MPDZ: variants seen among roughly 807,000 people sequenced by gnomAD.
MPDZ encodes the protein multiple PDZ domain crumbs cell polarity complex component, also known as multiple PDZ domain protein.
Under a neutral mutation model 239.1 loss-of-function variants are expected in MPDZ, and 234 were observed. That is an observed-to-expected ratio of 0.98 (90% CI 0.88 to 1.09). The LOEUF (loss-of-function observed/expected upper bound fraction) is 1.09. Among genes scored for constraint, MPDZ ranks in the 50% least tolerant of loss-of-function variants. The probability of loss-of-function intolerance (pLI) is 0.00; values close to 1 mark genes in which losing one functional copy is unlikely to be tolerated. For synonymous variants in MPDZ, 1,048 were observed against 881.3 expected, an observed-to-expected ratio of 1.19 and a Z score of -3.35; for missense variants, 3,175 against 2,510.0, an observed-to-expected ratio of 1.26 and a Z score of -5.66.
intron 39 of MPDZ, among the ~76,000 whole-genome samples, chr9:13,115,852 G>C (rs190980467): frequency 6.8e-6 from 1 of 146,466 alleles, no homozygotes; most frequent in Non-Finnish European, 1.5e-5. Context: ...GGCTGAGGCA[G>C]AAGAATGGCG....
intron 3 of MPDZ, among the ~76,000 whole-genome samples, chr9:13,226,051 G>A (rs141950342): frequency 1.1e-4 from 16 of 152,118 alleles, no homozygotes; most frequent in African/African-American, 3.9e-4. Context: ...ATTTGCAGCT[G>A]ACATCATAAG....
intron 1 of MPDZ, among the ~76,000 whole-genome samples, chr9:13,277,403 T>C (rs1974474248): frequency 1.3e-5 from 2 of 152,180 alleles, no homozygotes. Context: ...TTGTTTGTTT[T>C]GGCAAATGAG....
intron 27 of MPDZ, among the ~76,000 whole-genome samples, chr9:13,142,099 CATTG>C (rs1947788321): frequency 6.6e-6 from 1 of 152,144 alleles, no homozygotes; most frequent in South Asian, 2.1e-4. Flanking sequence ...TTTTATCAAG[CATTG>C]ATTAAGTCCA....
At position 13,247,708 on chromosome 9, in the gene MPDZ, T is replaced by C. The variant is rs368398659; in HGVS notation, c.110A>G (p.Lys37Arg). The change falls in exon 3 of 47, where the codon AAG becomes AGG. Residue 37 changes from lysine to arginine, a missense_variant. Coordinates refer to ENST00000319217, the MANE Select transcript of MPDZ (RefSeq NM_001378778.1). ...VANEDKLSLL[K>R]SVLQSPLFSQ... The stretch of plus-strand genomic sequence containing the variant: ...GAAGAGAGGGCTCTGCAGGACTGAC[T>C]TCAGAAGGCTCAGTTTGTCTTCATT... The C allele has an allele frequency of 3.1e-6, 5 of 1,613,584 alleles. No individual in the cohort carries two copies. Among genetic ancestry groups the C allele is most frequent in the Non-Finnish European group, 4.2e-6 (5 of 1,179,650 alleles).
chr9:13,131,866 C>T (rs888822662), intron 32 of MPDZ, among the ~76,000 whole-genome samples: 3 of 152,166 alleles, frequency 2.0e-5, no homozygotes, highest in African/African-American at 7.2e-5. Context: ...TATACCTGCT[C>T]ACCATGGAAC....
chr9:13,180,674 A>C (rs563797360), intron 19 of MPDZ, among the ~76,000 whole-genome samples: 20 of 152,314 alleles, frequency 1.3e-4, no homozygotes, highest in African/African-American at 4.8e-4. Flanking sequence ...TGATTAACCA[A>C]AGAAATCAAA....
At chr9:13,154,968 C>G (rs1258672881) in intron 24 of MPDZ, among the ~76,000 whole-genome samples, 1 of 152,084 alleles carries the variant, frequency 6.6e-6, no homozygotes, top group African/African-American at 2.4e-5. Flanking sequence ...CCTGTAATCC[C>G]AGCACTTTGG....
At chr9:13,167,156 T>C (rs1483391727) in intron 22 of MPDZ, among the ~76,000 whole-genome samples, 2 of 152,132 alleles carry the variant, frequency 1.3e-5, no homozygotes, top group Non-Finnish European at 2.9e-5. Context: ...CATGATCTAG[T>C]CATGGAACAC....
intron 24 of MPDZ, 58 bp from the exon 25 acceptor site, chr9:13,150,746 G>T: frequency 8.5e-7 from 1 of 1,181,746 alleles, no homozygotes; most frequent in Non-Finnish European, 1.1e-6. Context: ...AAAGCTTCAT[G>T]ATGCTGAATT....
chr9:13,119,672 A>G (rs185225263), intron 38 of MPDZ, 23 bp from the exon 39 acceptor site: 3 of 1,613,854 alleles, frequency 1.9e-6, no homozygotes, highest in East Asian at 4.5e-5. Flanking sequence ...TTGAATTTCA[A>G]CATTATCTTT....
At position 13,186,403 on chromosome 9, in the gene MPDZ, G is replaced by A. The variant is rs1163651724; in HGVS notation, c.2365-17C>T. 6.7e-7 allele frequency: 1 copy of A among 1,494,072 alleles called. No homozygotes were observed. The highest frequency in any genetic ancestry group is 9.1e-7 in the Non-Finnish European group (1 of 1,093,054). The allele number at this position is 1,494,072 out of a possible 1,614,324, so 92.6% of individuals were successfully genotyped here. ...TGGTGAAAGCTGCAGGGAAAAAATG[G>A]TATTCATGGAAAAGAGAGAGAACAG... On this transcript the variant is annotated splice_polypyrimidine_tract_variant and intron_variant, in intron 17 of 46. Transcript: ENST00000319217.
At position 13,248,952 on chromosome 9, in the gene MPDZ, G is replaced by A. The variant is rs370994706; in HGVS notation, c.17-1151C>T. ...CATACCACTACACTCCAGCCTGGGC[G>A]ACAGAGTGAGTGAGACTCCATCTCA... is the stretch of plus-strand genomic sequence containing the variant. On this transcript the variant is annotated intron_variant, in intron 2 of 46. Transcript: ENST00000319217. 1.7e-4 allele frequency among the ~76,000 whole-genome samples: 19 copies of A among 111,488 alleles called. No individual in the cohort carries two copies. In the East Asian group the frequency reaches 2.2e-3, roughly 13 times the overall value. The allele number at this position is 111,488 out of a possible 152,430, so 73.1% of individuals were successfully genotyped here.
intron 3 of MPDZ, among the ~76,000 whole-genome samples, chr9:13,225,647 G>A (rs1960338803): frequency 6.6e-6 from 1 of 151,850 alleles, no homozygotes; most frequent in East Asian, 1.9e-4. Context: ...TGCTACAACT[G>A]CATACAGTAC....
At chr9:13,220,994 A>C (rs1044866620) in intron 7 of MPDZ, among the ~76,000 whole-genome samples, 2 of 152,036 alleles carry the variant, frequency 1.3e-5, no homozygotes, top group Non-Finnish European at 2.9e-5. Context: ...TTTCTGCCTG[A>C]ATACAAAAGT....
At chr9:13,125,521 T>C in intron 34 of MPDZ, 131 bp from the exon 35 acceptor site, 1 of 789,626 alleles carries the variant, frequency 1.3e-6, no homozygotes, top group Non-Finnish European at 1.9e-6. Context: ...AAATTATTTC[T>C]TTGTCAGGAC....
chr9:13,105,906 C>G lies in MPDZ; in HGVS notation c.*1059G>C, dbSNP rs548972861. 1 of 152,274 alleles carries G rather than the reference C, an allele frequency of 6.6e-6. No homozygotes were observed. The highest frequency in any genetic ancestry group is 2.1e-4 in the South Asian group (1 of 4,818). The allele number at this position is 152,274 out of a possible 1,614,324, so 9.4% of individuals were successfully genotyped here. ...CCTCACCAGTTGTCTCAATAAACAGCTCCATCTGTTTCCCTTAGTCTTAAA... is the reference window on the plus strand; with the variant it reads ...CCTCACCAGTTGTCTCAATAAACAGGTCCATCTGTTTCCCTTAGTCTTAAA... On this transcript the variant is annotated 3_prime_UTR_variant, in exon 47 of 47. Coordinates refer to ENST00000319217, the MANE Select transcript of MPDZ (RefSeq NM_001378778.1).
At chr9:13,114,927 A>G (rs1409439541) in intron 40 of MPDZ, among the ~76,000 whole-genome samples, 2 of 151,992 alleles carry the variant, frequency 1.3e-5, no homozygotes, top group Non-Finnish European at 2.9e-5. Context: ...AAATAAAATA[A>G]ATAAAATAAT....
Position 13,147,590 on chromosome 9 carries a change from G to A in MPDZ, c.3699C>T (p.Asn1233=), listed in dbSNP as rs780782462. Reference sequence around the variant, plus strand: ...TGCTCTGTACCATAAAGACTACAGGGTTGCCTGCTTTCCGAATGGCTTCCA... The same window carrying A: ...TGCTCTGTACCATAAAGACTACAGGATTGCCTGCTTTCCGAATGGCTTCCA... ...QAVEAIRKAG[N]PVVFMVQSII... is the part of the protein sequence containing the mutation. Residue 1233 remains asparagine (N), a synonymous_variant, in exon 26 of 47, where the codon AAC becomes AAT. Transcript: ENST00000319217. 6.2e-7 allele frequency: 1 copy of A among 1,612,338 alleles called. No individual in the cohort carries two copies. Among genetic ancestry groups the A allele is most frequent in the South Asian group, 1.1e-5 (1 of 91,018 alleles).
intron 19 of MPDZ, among the ~76,000 whole-genome samples, chr9:13,176,692 T>C (rs890456119): frequency 6.6e-6 from 1 of 152,024 alleles, no homozygotes; most frequent in Non-Finnish European, 1.5e-5. Flanking sequence ...TAAGATCATT[T>C]AGAAATACTA....
Sources: allele counts gnomAD v4.1 joint callset (sites outside exome capture counted in the v4.1 genomes callset), GRCh38; gene constraint gnomAD v4.1.1; transcripts MANE v1.5; gene names NCBI Gene and HGNC (gene_info 2026-07-23, HGNC 2026-07-21).